Variants in ZFR2 observed in about 807,000 individuals in gnomAD.
ZFR2 encodes the protein zinc finger RNA-binding protein 2.
In ZFR2, 104 loss-of-function variants were observed where a neutral mutation model predicts 105.7. That is an observed-to-expected ratio of 0.98 (90% CI 0.84 to 1.16). The LOEUF is 1.16. Among genes scored for constraint, ZFR2 ranks in the 50% most tolerant of loss-of-function variants. The pLI, the probability that ZFR2 is intolerant of heterozygous loss-of-function variation, is 0.00. For synonymous variants in ZFR2, 634 were observed against 597.7 expected, an observed-to-expected ratio of 1.06 and a Z score of -0.89; for missense variants, 1,425 against 1,355.5, an observed-to-expected ratio of 1.05 and a Z score of -0.80.
chr19:3,842,594 T>C (rs896647321), intron 1 of ZFR2, among the ~76,000 whole-genome samples: 6 of 152,102 alleles, frequency 3.9e-5, no homozygotes, highest in African/African-American at 1.4e-4. Flanking sequence ...CAATTGTCAC[T>C]TCAATGCATT....
intron 1 of ZFR2, among the ~76,000 whole-genome samples, chr19:3,868,639 G>A (rs879460023): frequency 1.3e-5 from 2 of 151,190 alleles, no homozygotes; most frequent in Non-Finnish European, 3.0e-5. Context: ...CCCCATCAGG[G>A]GCTGACCCCC....
chr19:3,867,455 G>A (rs1400979620), intron 1 of ZFR2, among the ~76,000 whole-genome samples: 2 of 151,868 alleles, frequency 1.3e-5, no homozygotes, highest in Non-Finnish European at 2.9e-5. Flanking sequence ...TGTACACTTG[G>A]GGCACAAACT....
intron 1 of ZFR2, among the ~76,000 whole-genome samples, chr19:3,840,832 A>G (rs1023034026): frequency 2.0e-5 from 3 of 152,200 alleles, no homozygotes; most frequent in African/African-American, 7.2e-5. Context: ...CTGAGCACTT[A>G]AAATATGGCT....
At chr19:3,860,400 G>C (rs1177625700) in intron 1 of ZFR2, among the ~76,000 whole-genome samples, 1 of 151,992 alleles carries the variant, frequency 6.6e-6, no homozygotes, top group Admixed American at 6.6e-5. Context: ...GGAGTCAAGA[G>C]GCCAGCTCCA....
chr19:3,843,363 C>T (rs946027080), intron 1 of ZFR2, among the ~76,000 whole-genome samples: 1 of 151,746 alleles, frequency 6.6e-6, no homozygotes, highest in Non-Finnish European at 1.5e-5. Flanking sequence ...CCCAGCTACT[C>T]AAGAGGCTGA....
In ZFR2 at chr19:3,810,853, G is replaced by A. The variant is rs1006292803; in HGVS notation, c.2338-8C>T. The A allele has an allele frequency of 4.5e-5, 69 of 1,549,976 alleles. No individual in the cohort carries two copies. Among genetic ancestry groups the A allele is most frequent in the Non-Finnish European group, 5.8e-5 (67 of 1,146,640 alleles). On this transcript the variant is annotated splice_polypyrimidine_tract_variant and splice_region_variant and intron_variant, in intron 15 of 18. Coordinates refer to ENST00000262961, the MANE Select transcript of ZFR2 (RefSeq NM_015174.2). ...CAGGCCGCTGGCTCGAGCCTTCGGGGGAGAAGCACACGGTTAGCTTTCAGG... is the reference window on the plus strand; with the variant it reads ...CAGGCCGCTGGCTCGAGCCTTCGGGAGAGAAGCACACGGTTAGCTTTCAGG...
At chr19:3,827,422 G>C in intron 6 of ZFR2, 49 bp downstream of exon 6, 1 of 1,469,414 alleles carries the variant, frequency 6.8e-7, no homozygotes, top group Non-Finnish European at 9.0e-7. Flanking sequence ...GTGCTGACCT[G>C]GGGGCCTTCT....
chr19:3,847,053 A>T (rs897602748), intron 1 of ZFR2, among the ~76,000 whole-genome samples: 3 of 152,180 alleles, frequency 2.0e-5, no homozygotes, highest in African/African-American at 7.2e-5. Context: ...GTTGGTGCTG[A>T]CTGTTGGTGG....
At chr19:3,810,728 G>A (rs372091581) in intron 16 of ZFR2, 22 bp downstream of exon 16, 17 of 1,543,686 alleles carry the variant, frequency 1.1e-5, no homozygotes, top group African/African-American at 2.7e-5. Flanking sequence ...GTGGAGGGCC[G>A]GGCCGCCAGG....
At position 3,806,034 on chromosome 19, in the gene ZFR2, C is replaced by T. The variant is rs762867097; in HGVS notation, c.2735G>A (p.Arg912Gln). The change falls in exon 19 of 19, where the codon CGG becomes CAG. Residue 912 changes from arginine to glutamine, a missense_variant. Physicochemically the swap from Arg to Gln is conservative, Grantham distance 43 (BLOSUM62 1). Transcript: ENST00000262961. ...CTCGCCAGGTCCCCGTTGCCTCTTC[C>T]GGAAGCGGGCCCCCAGCCGGTGTCT... ...PPRHRLGARF[R>Q]KRQRGPGEGE... The T allele has an allele frequency of 8.3e-5, 128 of 1,541,874 alleles. No homozygotes were observed. The highest frequency in any genetic ancestry group is 2.1e-4 in the African/African-American group (15 of 72,578).
At chr19:3,825,481 G>A in intron 6 of ZFR2, 74 bp from the exon 7 acceptor site, 1 of 1,500,788 alleles carries the variant, frequency 6.7e-7, no homozygotes, top group Non-Finnish European at 8.9e-7. Context: ...AGGCAGGAAG[G>A]GCCTCCACGG....
At chr19:3,807,455 A>T (rs1218057201) in intron 17 of ZFR2, among the ~76,000 whole-genome samples, 186 bp from the exon 18 acceptor site, 2 of 152,130 alleles carry the variant, frequency 1.3e-5, no homozygotes, top group Non-Finnish European at 2.9e-5. Context: ...CACATGGGGG[A>T]GTCCTCCTGG....
intron 1 of ZFR2, among the ~76,000 whole-genome samples, chr19:3,860,007 C>T (rs2038353991): frequency 6.6e-6 from 1 of 152,058 alleles, no homozygotes; most frequent in African/African-American, 2.4e-5. Flanking sequence ...GTTCTGTTAA[C>T]TCAATCCTCG....
chr19:3,857,511 C>G (rs2038319670), intron 1 of ZFR2, among the ~76,000 whole-genome samples: 1 of 141,722 alleles, frequency 7.1e-6, no homozygotes, highest in Admixed American at 7.4e-5. Context: ...TCGAGACCAG[C>G]CTGGCCAACA....
chr19:3,833,274 A>G (rs1053399915), intron 3 of ZFR2, among the ~76,000 whole-genome samples: 4 of 140,902 alleles, frequency 2.8e-5, no homozygotes, highest in Non-Finnish European at 3.1e-5. Flanking sequence ...AAAGAAAAGA[A>G]AAGAAAAGAT....
In ZFR2 at chr19:3,823,474, G is replaced by A. The variant is rs531227647; in HGVS notation, c.1214-71C>T. 328 of 1,482,622 alleles carry A rather than the reference G, an allele frequency of 2.2e-4. 1 individual carries two copies. The Middle Eastern group carries it at 2.6e-3, about 12-fold the overall frequency. 91.8% of individuals were successfully genotyped at this position (1,482,622 alleles called of 1,614,324 possible). A position where few individuals can be genotyped will look rare whatever the true frequency, so the allele number is the denominator to read the frequency against. ...CACTGCAGCTGCAGACCCGCCAGGCGGCATGGGGTGGAGAGCCACCCAGAC... is the reference window on the plus strand; with the variant it reads ...CACTGCAGCTGCAGACCCGCCAGGCAGCATGGGGTGGAGAGCCACCCAGAC... On this transcript the variant is annotated intron_variant, in intron 7 of 18. Coordinates refer to ENST00000262961, the MANE Select transcript of ZFR2 (RefSeq NM_015174.2). The surrounding 1 kb of genome is among the most constrained non-coding windows in gnomAD (Gnocchi z 5.4).
At chr19:3,842,792 T>G (rs751617850) in intron 1 of ZFR2, among the ~76,000 whole-genome samples, 2 of 151,784 alleles carry the variant, frequency 1.3e-5, no homozygotes, top group African/African-American at 4.8e-5. Context: ...CCCAACTAAT[T>G]TTTTGTATTT....
chr19:3,843,859 A>G (rs1187955855), intron 1 of ZFR2, among the ~76,000 whole-genome samples: 1 of 152,000 alleles, frequency 6.6e-6, no homozygotes, highest in Non-Finnish European at 1.5e-5. Context: ...AAAGAAAGAA[A>G]AAAAACAAGT....
chr19:3,847,035 G>A (rs566678089), intron 1 of ZFR2, among the ~76,000 whole-genome samples: 1 of 152,218 alleles, frequency 6.6e-6, no homozygotes, highest in African/African-American at 2.4e-5. Context: ...TCCTGCCAGG[G>A]TTGGCAAGTT....
Sources: allele counts gnomAD v4.1 joint callset (sites outside exome capture counted in the v4.1 genomes callset), GRCh38; gene constraint gnomAD v4.1.1; non-coding constraint Gnocchi (gnomAD v3.1); transcripts MANE v1.5; gene names NCBI Gene and HGNC (gene_info 2026-07-23, HGNC 2026-07-21).